Variants in OVCH2 observed in about 807,000 individuals in gnomAD.
The protein encoded by OVCH2 is ovochymase-2.
Under a neutral mutation model 73.7 loss-of-function variants are expected in OVCH2, and 88 were observed. That is an observed-to-expected ratio of 1.19 (90% CI 1.01 to 1.43). The LOEUF is 1.43. Among genes scored for constraint, OVCH2 ranks in the 40% most tolerant of loss-of-function variants. The probability of loss-of-function intolerance (pLI) is 0.00; values close to 1 mark genes in which losing one functional copy is unlikely to be tolerated. For synonymous variants in OVCH2, 265 were observed against 234.5 expected (o/e 1.13, Z -1.19); for missense variants, 706 against 674.5 (o/e 1.05, Z -0.52).
Position 7,704,498 on chromosome 11 carries a change from C to A in OVCH2, c.198+67G>T, listed in dbSNP as rs953287529. ...AGGCTCCTCAAAGATATAAACTTAA[C>A]CTTAAAAATATCTATATCCATAATA... On this transcript the variant is annotated intron_variant, in intron 2 of 15. Transcript: ENST00000533663. The A allele has an allele frequency of 1.1e-5, 13 of 1,143,916 alleles. No homozygotes were observed. The African/African-American group carries it at 1.4e-4, about 13-fold the overall frequency. 70.9% of individuals were successfully genotyped at this position (1,143,916 alleles called of 1,614,324 possible).
In OVCH2 at chr11:7,704,547, G is replaced by A; in HGVS notation, c.198+18C>T. 6.6e-7 allele frequency: 1 copy of A among 1,520,598 alleles called. No homozygotes were observed. Among genetic ancestry groups the A allele is most frequent in the South Asian group, 1.1e-5 (1 of 87,476 alleles). The allele number at this position is 1,520,598 out of a possible 1,614,324, so 94.2% of individuals were successfully genotyped here. A position where few individuals can be genotyped will look rare whatever the true frequency, so the allele number is the denominator to read the frequency against. ...TATCTAGCACAGTTCTTGATGCATAGAAGTCCTTGAGACTCACCTGCCAGG... is the reference window on the plus strand; with the variant it reads ...TATCTAGCACAGTTCTTGATGCATAAAAGTCCTTGAGACTCACCTGCCAGG... On this transcript the variant is annotated intron_variant, in intron 2 of 15. Transcript: ENST00000533663.
chr11:7,683,999 T>A, the OVCH2 span, among the ~76,000 whole-genome samples: 7,792 of 149,368 alleles, frequency 0.052, 356 homozygotes, highest in African/African-American at 0.13. Flanking sequence ...ATCTGGCATT[T>A]TATATATATA....
chr11:7,684,789 G>A (rs528902441), downstream of OVCH2, among the ~76,000 whole-genome samples: 14 of 152,198 alleles, frequency 9.2e-5, no homozygotes, highest in African/African-American at 2.6e-4. Flanking sequence ...GCCTAGTGCT[G>A]AGGAGCTTCC....
rs367915263 is a variant in OVCH2 at position 7,695,562 on chromosome 11, G to T, written c.1282+8C>A. The T allele has an allele frequency of 6.2e-7, 1 of 1,608,308 alleles. No homozygotes were observed. Among genetic ancestry groups the T allele is most frequent in the East Asian group, 2.2e-5 (1 of 44,834 alleles). On this transcript the variant is annotated splice_region_variant and intron_variant, in intron 11 of 15. Transcript: ENST00000533663. ...AGATAGTATGTGATTAAAAGTAAAT[G>T]GTTTTACCAGGAATGTAGTTTGGTT...
rs149575957 is a variant in OVCH2 at position 7,702,103 on chromosome 11, A to G, written c.463+54T>C. ...TACTGCAGGAAATGTGCTATGGCAC[A>G]GAGGTTATAGAGAACATGGGGTAGA... On this transcript the variant is annotated intron_variant, in intron 4 of 15. Transcript: ENST00000533663. 7.7e-4 allele frequency: 1,123 copies of G among 1,456,292 alleles called. 2 individuals carry two copies. The highest frequency in any genetic ancestry group is 9.6e-4 in the Non-Finnish European group (1,010 of 1,049,924). 90.2% of individuals were successfully genotyped at this position (1,456,292 alleles called of 1,614,324 possible).
chr11:7,682,208 A>G, the OVCH2 span, among the ~76,000 whole-genome samples: 8 of 152,252 alleles, frequency 5.3e-5, no homozygotes, highest in African/African-American at 1.7e-4. Context: ...AAAATCTCGG[A>G]AAGATTCTCT....
chr11:7,703,644 CA>C, intron 3 of OVCH2, 53 bp downstream of exon 3: 1 of 1,397,858 alleles, frequency 7.2e-7, no homozygotes, highest in Non-Finnish European at 9.7e-7. Context: ...CTGATGATTC[CA>C]AGGGAGAAGA....
rs1348091131 is a variant in OVCH2, at chr11:7,706,398, G to A, written c.-4C>T. ...GCTTGTTCCTGCTTATAAGCATTTTGAGACTCATAGTTTTTCCCTGAAATT... is the reference window on the plus strand; with the variant it reads ...GCTTGTTCCTGCTTATAAGCATTTTAAGACTCATAGTTTTTCCCTGAAATT... On this transcript the variant is annotated 5_prime_UTR_variant, in exon 1 of 16. Transcript: ENST00000533663. The A allele has an allele frequency of 9.0e-6, 14 of 1,563,726 alleles. No individual in the cohort carries two copies. The East Asian group carries it at 2.6e-4, about 29-fold the overall frequency.
At chr11:7,689,903 T>A (rs913785280) in intron 15 of OVCH2, 21 bp downstream of exon 15, 1 of 1,351,436 alleles carries the variant, frequency 7.4e-7, no homozygotes, top group Non-Finnish European at 1.0e-6. Flanking sequence ...TGTGTATCAA[T>A]TGGTCCCCAA....
the OVCH2 span, among the ~76,000 whole-genome samples, chr11:7,681,081 C>G: frequency 6.6e-6 from 1 of 152,136 alleles, no homozygotes; most frequent in Non-Finnish European, 1.5e-5. Flanking sequence ...GCTGGCCCAT[C>G]CTTTGTGCAT....
Position 7,698,819 on chromosome 11 carries a change from G to A in OVCH2, c.902-46C>T, listed in dbSNP as rs549130597. On this transcript the variant is annotated intron_variant, in intron 7 of 15. Coordinates refer to ENST00000533663, the MANE Select transcript of OVCH2 (RefSeq NM_198185.7). ...TGCAATTGAAAGCCTGTGGTATCCT[G>A]AACAACGCTTCAAGAAGTTAGCATC... 2.5e-6 allele frequency: 4 copies of A among 1,597,892 alleles called. No homozygotes were observed. The African/African-American group carries it at 5.4e-5, about 21-fold the overall frequency.
chr11:7,695,937 C>T (rs1476587177), intron 10 of OVCH2, among the ~76,000 whole-genome samples: 1 of 152,140 alleles, frequency 6.6e-6, no homozygotes, highest in East Asian at 1.9e-4. Flanking sequence ...AGTGACAATT[C>T]CTGCCCTTGT....
the OVCH2 span, among the ~76,000 whole-genome samples, chr11:7,680,952 TTTGA>T: frequency 1.3e-5 from 2 of 152,234 alleles, no homozygotes. Flanking sequence ...TTCTCATTGC[TTTGA>T]TTGTGGGCCT....
At chr11:7,696,650 T>C (rs549567715) in intron 9 of OVCH2, 59 bp downstream of exon 9, 15 of 1,613,812 alleles carry the variant, frequency 9.3e-6, no homozygotes, top group African/African-American at 2.7e-5. Context: ...CACAGTCCAA[T>C]TGGTGGGCCC....
chr11:7,683,375 A>C, the OVCH2 span, among the ~76,000 whole-genome samples: 1 of 152,032 alleles, frequency 6.6e-6, no homozygotes, highest in East Asian at 1.9e-4. Context: ...TTCACACCTC[A>C]TATCCAATAT....
At chr11:7,688,648 ATAAAGGATTTGACTTT>A (rs1246674300), downstream of OVCH2, among the ~76,000 whole-genome samples, 25 of 150,806 alleles carry the variant, frequency 1.7e-4, no homozygotes, top group Admixed American at 1.3e-3. Flanking sequence ...AAAATAAAAA[ATAAAGGATTTGACTTT>A]TCTCCTGATA....
Position 7,703,562 on chromosome 11 carries a change from T to C in OVCH2, c.290+136A>G, listed in dbSNP as rs956446082. On this transcript the variant is annotated intron_variant, in intron 3 of 15. Coordinates refer to ENST00000533663, the MANE Select transcript of OVCH2 (RefSeq NM_198185.7). Reference sequence around the variant, plus strand: ...ATGTCACCCAGCCCCATTTGTGTCATGCAATTAGGATATTCATCTGTTAAA... The same window carrying C: ...ATGTCACCCAGCCCCATTTGTGTCACGCAATTAGGATATTCATCTGTTAAA... 9.4e-6 allele frequency: 6 copies of C among 635,438 alleles called. No homozygotes were observed. The South Asian group carries it at 1.3e-4, about 13-fold the overall frequency. The allele number at this position is 635,438 out of a possible 1,614,324, so 39.4% of individuals were successfully genotyped here.
chr11:7,699,578 GT>G (rs1856396797), intron 7 of OVCH2: 1 of 152,116 alleles, frequency 6.6e-6, no homozygotes, highest in Non-Finnish European at 1.5e-5. Flanking sequence ...TATTTTTATT[GT>G]TTTTATTTTT....
At chr11:7,701,859 A>T (rs1297266992) in intron 4 of OVCH2, 48 bp from the exon 5 acceptor site, 1 of 1,497,784 alleles carries the variant, frequency 6.7e-7, no homozygotes, top group African/African-American at 1.4e-5. Flanking sequence ...GGAGGAGAGG[A>T]CACTATAAGC....
Sources: allele counts gnomAD v4.1 joint callset (sites outside exome capture counted in the v4.1 genomes callset), GRCh38; gene constraint gnomAD v4.1.1; transcripts MANE v1.5; gene names NCBI Gene and HGNC (gene_info 2026-07-23, HGNC 2026-07-21).